The following FHIT variants were observed in gnomAD, a reference collection of about 807,000 sequenced individuals.
FHIT encodes bis(5'-adenosyl)-triphosphatase.
A neutral mutation model predicts 17.9 loss-of-function variants in FHIT; 19 were observed. The observed-to-expected ratio is 1.06, with a 90% CI of 0.74 to 1.56. FHIT has a LOEUF of 1.56. Among genes scored for constraint, FHIT ranks in the 40% most tolerant of loss-of-function variants. FHIT has a pLI of 0.00. For synonymous variants in FHIT, 81 were observed against 69.7 expected (o/e 1.16, Z -0.81); for missense variants, 248 against 189.2 (o/e 1.31, Z -1.82).
chr3:60,628,034 A>G (rs1425797961), intron 4 of FHIT, among the ~76,000 whole-genome samples: 1 of 152,158 alleles, frequency 6.6e-6, no homozygotes, highest in Non-Finnish European at 1.5e-5. Context: ...TAGTTTATTA[A>G]GGTGAAACAT....
intron 4 of FHIT, among the ~76,000 whole-genome samples, chr3:60,750,650 A>G (rs543071938): frequency 6.6e-6 from 1 of 152,240 alleles, no homozygotes; most frequent in South Asian, 2.1e-4. Flanking sequence ...GTGGAACAGT[A>G]AGTCCAATAA....
In FHIT at chr3:60,275,954, T is replaced by C. The variant is rs114238361; in HGVS notation, c.103+260906A>G. Among the ~76,000 whole-genome samples the C allele has an allele frequency of 5.6e-3, 848 of 151,924 alleles. 5 individuals carry two copies. The highest frequency in any genetic ancestry group is 0.017 in the Middle Eastern group (5 of 294). ...CTCTCCTTCAAGCTGACCAATAGGA[T>C]AAGTTTAAGCAGTAGTTTTGAGAAT... On this transcript the variant is annotated intron_variant, in intron 5 of 9. Coordinates refer to ENST00000492590, the MANE Select transcript of FHIT (RefSeq NM_002012.4).
chr3:61,168,967 C>T (rs1030725544), intron 2 of FHIT, among the ~76,000 whole-genome samples: 1 of 152,116 alleles, frequency 6.6e-6, no homozygotes, highest in Non-Finnish European at 1.5e-5. Flanking sequence ...ATGTCTTTGC[C>T]ATTTACTTGT....
chr3:60,564,513 G>A (rs575107954), intron 4 of FHIT, among the ~76,000 whole-genome samples: 1 of 152,246 alleles, frequency 6.6e-6, no homozygotes, highest in South Asian at 2.1e-4. Context: ...TTGAAAACCT[G>A]GAAAGGATTC....
intron 3 of FHIT, among the ~76,000 whole-genome samples, chr3:60,938,299 G>T (rs782516197): frequency 6.6e-6 from 1 of 152,162 alleles, no homozygotes; most frequent in Non-Finnish European, 1.5e-5. Flanking sequence ...AGGAAGGGCA[G>T]CAGGCTTTCT....
At chr3:60,464,985 G>C (rs1005096805) in intron 5 of FHIT, among the ~76,000 whole-genome samples, 1 of 152,102 alleles carries the variant, frequency 6.6e-6, no homozygotes, top group Non-Finnish European at 1.5e-5. Context: ...CAATGTATGA[G>C]AGTTCACTTT....
intron 4 of FHIT, among the ~76,000 whole-genome samples, chr3:60,652,645 C>T (rs1452311724): frequency 1.4e-5 from 2 of 143,552 alleles, no homozygotes; most frequent in Non-Finnish European, 1.5e-5. Flanking sequence ...AGGAGAATGG[C>T]GTGAACCCGG....
At position 61,212,181 on chromosome 3, in the gene FHIT, G is replaced by C. The variant is rs188375812; in HGVS notation, c.-212-11516C>G. On this transcript the variant is annotated intron_variant, in intron 1 of 9. Coordinates refer to ENST00000492590, the MANE Select transcript of FHIT (RefSeq NM_002012.4). ...GACTTTGACAAGTTGAGAGAAGAAG[G>C]CTTCAGACGATCAAACTACTCCGAG... Among the ~76,000 whole-genome samples, 256 of 152,346 alleles carry C rather than the reference G, an allele frequency of 1.7e-3. 3 individuals carry two copies. Among genetic ancestry groups the C allele is most frequent in the East Asian group, 0.013 (67 of 5,190 alleles).
At chr3:61,051,546 G>T (rs2034028217) in intron 2 of FHIT, among the ~76,000 whole-genome samples, 1 of 152,020 alleles carries the variant, frequency 6.6e-6, no homozygotes, top group Non-Finnish European at 1.5e-5. Context: ...ACCACCCCTG[G>T]CTTCTTGGGT....
intron 2 of FHIT, among the ~76,000 whole-genome samples, chr3:61,101,409 G>A (rs972941790): frequency 1.8e-4 from 28 of 152,010 alleles, no homozygotes; most frequent in African/African-American, 4.3e-4. Context: ...GTTCTATTCC[G>A]TTGGTCTATC....
chr3:59,991,773 G>C (rs908526357), intron 7 of FHIT, among the ~76,000 whole-genome samples: 1 of 151,888 alleles, frequency 6.6e-6, no homozygotes. Flanking sequence ...GCCATATGTC[G>C]GCCAAGATGC....
chr3:61,021,393 A>G (rs972585746), intron 3 of FHIT, among the ~76,000 whole-genome samples: 2 of 149,062 alleles, frequency 1.3e-5, no homozygotes, highest in Non-Finnish European at 3.0e-5. Context: ...AGGTCAGGAG[A>G]TCGAGACCAT....
intron 2 of FHIT, among the ~76,000 whole-genome samples, chr3:61,101,533 G>A (rs1362757453): frequency 1.3e-5 from 2 of 152,134 alleles, no homozygotes; most frequent in Non-Finnish European, 2.9e-5. Flanking sequence ...GATTGTCTTG[G>A]CAATGCAGGC....
At chr3:61,047,839 G>C (rs968402812) in intron 2 of FHIT, among the ~76,000 whole-genome samples, 1 of 111,830 alleles carries the variant, frequency 8.9e-6, no homozygotes, top group Admixed American at 1.1e-4. Context: ...ACAACCATCT[G>C]ATCTTTGACA....
intron 4 of FHIT, chr3:60,537,593 G>A (rs924216680): frequency 2.1e-4 from 59 of 274,582 alleles, no homozygotes; most frequent in Admixed American, 1.4e-3. Context: ...ATTCCTGGTT[G>A]TAACAGGGCC....
intron 5 of FHIT, among the ~76,000 whole-genome samples, chr3:60,270,981 G>A (rs1419099549): frequency 1.3e-5 from 2 of 152,128 alleles, no homozygotes; most frequent in African/African-American, 2.4e-5. Context: ...AGTAATAGAG[G>A]ACTTATGCTG....
chr3:60,347,687 G>GC (rs1710858979), intron 5 of FHIT, among the ~76,000 whole-genome samples: 2 of 129,686 alleles, frequency 1.5e-5, no homozygotes, highest in Non-Finnish European at 3.4e-5. Context: ...GGGGGGGGGG[G>GC]GGTTTGTTTT....
intron 7 of FHIT, among the ~76,000 whole-genome samples, chr3:60,011,038 A>G (rs1700116211): frequency 6.6e-6 from 1 of 152,222 alleles, no homozygotes; most frequent in Non-Finnish European, 1.5e-5. Flanking sequence ...ATGGGGCTGC[A>G]CAAACCCACA....
At chr3:60,386,591 C>T (rs1321552998) in intron 5 of FHIT, among the ~76,000 whole-genome samples, 1 of 152,154 alleles carries the variant, frequency 6.6e-6, no homozygotes, top group Non-Finnish European at 1.5e-5. Flanking sequence ...AATCTTTCTT[C>T]ATGCTGGCAT....
Sources: allele counts gnomAD v4.1 joint callset (sites outside exome capture counted in the v4.1 genomes callset), GRCh38; gene constraint gnomAD v4.1.1; transcripts MANE v1.5; gene names NCBI Gene and HGNC (gene_info 2026-07-23, HGNC 2026-07-21).